CCDC3: variants seen among roughly 807,000 people sequenced by gnomAD.
CCDC3 encodes the protein coiled-coil domain-containing protein 3.
Under a neutral mutation model 21.4 loss-of-function variants are expected in CCDC3, and 24 were observed. The ratio of observed to expected loss-of-function variants is 1.12; its 90% CI spans 0.81 to 1.58. The LOEUF is 1.58. Among genes scored for constraint, CCDC3 ranks in the 40% most tolerant of loss-of-function variants. The pLI is 0.00. For synonymous variants in CCDC3, 186 were observed against 166.0 expected (o/e 1.12, Z -0.93); for missense variants, 425 against 360.9 (o/e 1.18, Z -1.44).
chr10:13,096,265 C>G (rs1005159715), intron 3 of CCDC3, among the ~76,000 whole-genome samples: 1 of 151,910 alleles, frequency 6.6e-6, no homozygotes, highest in Non-Finnish European at 1.5e-5. Context: ...CTCAGCGCAA[C>G]CTTTGACTCC....
chr10:13,022,042 G>T (rs1337835837), intron 5 of CCDC3, among the ~76,000 whole-genome samples: 1 of 152,108 alleles, frequency 6.6e-6, no homozygotes, highest in East Asian at 1.9e-4. Context: ...TTACAGGTGT[G>T]AGCTACCACG....
intron 2 of CCDC3, among the ~76,000 whole-genome samples, chr10:12,981,298 G>A (rs1835493966): frequency 1.3e-5 from 2 of 149,956 alleles, no homozygotes; most frequent in South Asian, 4.2e-4. Flanking sequence ...TCCTGCCTCA[G>A]CCTCCCGAGT....
chr10:13,014,429 G>A (rs1448229267), intron 5 of CCDC3, among the ~76,000 whole-genome samples: 3 of 138,094 alleles, frequency 2.2e-5, no homozygotes, highest in African/African-American at 5.4e-5. Flanking sequence ...CAGCCTGGGC[G>A]ACAGAGTGAG....
At chr10:12,955,988 G>A (rs556204501) in intron 2 of CCDC3, among the ~76,000 whole-genome samples, 3 of 152,154 alleles carry the variant, frequency 2.0e-5, no homozygotes, top group South Asian at 2.1e-4. Context: ...GATTACAGAT[G>A]TCAGCCACAG....
In CCDC3 at chr10:13,001,383, G is replaced by A; in HGVS notation, c.188C>T (p.Pro63Leu). Residue 63 changes from proline to leucine, a missense_variant, in exon 1 of 3, where the codon CCC (proline) becomes CTC (leucine). Physicochemically the swap from Pro to Leu is moderately conservative, Grantham distance 98. Coordinates refer to ENST00000378825, the MANE Select transcript of CCDC3 (RefSeq NM_031455.4). The part of the protein sequence containing the change: ...PEAPGLYNHL[P>L]WQYHAGQGGL... ...CCCCTGGCCGGCGTGGTACTGCCAG[G>A]GCAGGTGGTTGTAGAGGCCGGGCGC... is the stretch of plus-strand genomic sequence containing the variant. 6.3e-7 allele frequency: 1 copy of A among 1,588,482 alleles called. No individual in the cohort carries two copies. Among genetic ancestry groups the A allele is most frequent in the Non-Finnish European group, 8.6e-7 (1 of 1,168,600 alleles).
chr10:12,991,971 T>TC (rs2131280823), intron 2 of CCDC3, among the ~76,000 whole-genome samples: 1 of 151,804 alleles, frequency 6.6e-6, no homozygotes, highest in Non-Finnish European at 1.5e-5. Context: ...TGGAAAGATC[T>TC]CCCAGATCTA....
intron 5 of CCDC3, among the ~76,000 whole-genome samples, chr10:13,039,861 T>C (rs1487572354): frequency 6.6e-6 from 1 of 151,386 alleles, no homozygotes; most frequent in Non-Finnish European, 1.5e-5. Flanking sequence ...ACAGACGTAC[T>C]GGTGACATAC....
upstream of CCDC3, among the ~76,000 whole-genome samples, chr10:13,005,428 T>G (rs1004153230): frequency 1.4e-4 from 22 of 152,200 alleles, no homozygotes; most frequent in African/African-American, 5.1e-4. Context: ...AATGGTAGAT[T>G]GCTGCTGCGC....
intron 2 of CCDC3, among the ~76,000 whole-genome samples, chr10:12,957,481 C>T (rs11258086): frequency 0.51 from 78,116 of 151,938 alleles, 22,656 homozygotes; most frequent in Non-Finnish European, 0.65. Flanking sequence ...AAGCCGACGA[C>T]ATAGTTTGGA....
intron 5 of CCDC3, among the ~76,000 whole-genome samples, chr10:13,015,658 A>G (rs1371738505): frequency 6.6e-6 from 1 of 152,044 alleles, no homozygotes; most frequent in Non-Finnish European, 1.5e-5. Context: ...ACCCAAACTC[A>G]TTCGCAGCTG....
intron 2 of CCDC3, among the ~76,000 whole-genome samples, chr10:12,966,454 AAC>A (rs1369284358): frequency 6.6e-6 from 1 of 152,150 alleles, no homozygotes; most frequent in African/African-American, 2.4e-5. Context: ...CCCCTCCGGG[AAC>A]AGGCAGGGAC....
At chr10:12,993,932 G>A (rs73583871) in intron 2 of CCDC3, among the ~76,000 whole-genome samples, 8,976 of 152,144 alleles carry the variant, frequency 0.059, 888 homozygotes, top group African/African-American at 0.2. Flanking sequence ...GTTTCCCTCC[G>A]TAAGATTTCC....
At chr10:13,038,466 G>T (rs1836407757) in intron 5 of CCDC3, among the ~76,000 whole-genome samples, 1 of 151,772 alleles carries the variant, frequency 6.6e-6, no homozygotes, top group African/African-American at 2.4e-5. Context: ...GTGTAGCTCT[G>T]ATGGGAAAGA....
At chr10:13,083,667 C>T (rs997955522) in intron 3 of CCDC3, among the ~76,000 whole-genome samples, 3 of 152,214 alleles carry the variant, frequency 2.0e-5, no homozygotes, top group African/African-American at 4.8e-5. Flanking sequence ...AATGTTATTA[C>T]TTTTCTAAGT....
At chr10:13,048,859 A>G (rs774614705) in intron 5 of CCDC3, among the ~76,000 whole-genome samples, 2 of 152,194 alleles carry the variant, frequency 1.3e-5, no homozygotes, top group Non-Finnish European at 2.9e-5. Context: ...GTCTGAAAAC[A>G]TATGCCTGTC....
chr10:13,099,192 C>T (rs1451334905), exon 2 of CCDC3: 1 of 152,506 alleles, frequency 6.6e-6, no homozygotes, highest in Non-Finnish European at 1.5e-5. Flanking sequence ...CTCTGCCCTG[C>T]TCTTGGGGTT....
intron 5 of CCDC3, among the ~76,000 whole-genome samples, chr10:13,010,119 G>A (rs1026981192): frequency 6.6e-5 from 10 of 152,062 alleles, no homozygotes; most frequent in East Asian, 1.9e-4. Flanking sequence ...GTGGTGGCAT[G>A]TGCCTGTAGT....
At chr10:12,936,233 G>A (rs1589013145) in intron 2 of CCDC3, among the ~76,000 whole-genome samples, 1 of 152,096 alleles carries the variant, frequency 6.6e-6, no homozygotes, top group Non-Finnish European at 1.5e-5. Context: ...CAGAATTGTA[G>A]GGTTGTTTTT....
At chr10:13,027,841 G>A (rs1836245357) in intron 5 of CCDC3, among the ~76,000 whole-genome samples, 1 of 151,942 alleles carries the variant, frequency 6.6e-6, no homozygotes, top group African/African-American at 2.4e-5. Flanking sequence ...TAAAACAATA[G>A]TTGAGAGAGG....
Sources: gnomAD v4.1 joint callset for allele counts (sites outside exome capture counted in the v4.1 genomes callset) on GRCh38, gnomAD v4.1.1 for gene constraint, MANE v1.5 for transcripts, NCBI Gene and HGNC (gene_info 2026-07-23, HGNC 2026-07-21) for gene names.